SLC22A13: variants seen among roughly 807,000 people sequenced by gnomAD.
SLC22A13 encodes the protein solute carrier family 22 member 13.
SLC22A13 carries 42 observed loss-of-function variants against 49.1 expected under a neutral mutation model. That is an observed-to-expected ratio of 0.85 (90% CI 0.67 to 1.11). The LOEUF (loss-of-function observed/expected upper bound fraction) is 1.11, where lower values mean the gene tolerates loss of function less well. Ranked by LOEUF, SLC22A13 falls within the 50% of genes least tolerant of loss-of-function variation. The pLI, the probability that SLC22A13 is intolerant of heterozygous loss-of-function variation, is 0.00. For missense variants in SLC22A13, 694 were observed against 712.8 expected, an observed-to-expected ratio of 0.97 and a Z score of 0.30; for synonymous variants, 282 against 293.1, an observed-to-expected ratio of 0.96 and a Z score of 0.39.
chr3:38,266,010 TGCAGTG>T lies in SLC22A13; in HGVS notation c.153_158del (p.Val52_Ala53del). The T allele has an allele frequency of 2.5e-6, 4 of 1,614,204 alleles. No individual in the cohort carries two copies. The highest frequency in any genetic ancestry group is 3.4e-6 in the Non-Finnish European group (4 of 1,180,024). ...TGGTCCTAGATGAGCCCCACCACTG[TGCAGTG>T]GCTTGGGTGAAGAACCACACTTTCA... is the stretch of plus-strand genomic sequence containing the variant. On this transcript the variant is annotated inframe_deletion, in exon 1 of 10. Coordinates refer to ENST00000311856, the MANE Select transcript of SLC22A13 (RefSeq NM_004256.4).
intron 7 of SLC22A13, 63 bp from the exon 8 acceptor site, chr3:38,276,224 G>A: frequency 6.7e-7 from 1 of 1,501,084 alleles, no homozygotes; most frequent in Non-Finnish European, 9.2e-7. Flanking sequence ...GAAGGGGTGG[G>A]GAGTTCCAGT....
Position 38,275,487 on chromosome 3 carries a change from C to T in SLC22A13, c.924C>T (p.Asn308=), listed in dbSNP as rs1271904462. The T allele has an allele frequency of 6.2e-7, 1 of 1,614,216 alleles. No homozygotes were observed. The highest frequency in any genetic ancestry group is 1.1e-5 in the South Asian group (1 of 91,084). ...GGAAACTCTCCCCGGAGCTCATGAA[C>T]CAGGTACTTCCAGCAGGCCCAGGCC... The part of the protein sequence containing the change: ...NRRKLSPELM[N]QLVPEKTGPS... Residue 308 remains asparagine (N), a synonymous_variant, in exon 5 of 10, where the codon AAC becomes AAT. Transcript: ENST00000311856.
chr3:38,276,350 C>T lies in SLC22A13; in HGVS notation c.1301C>T (p.Thr434Ile), dbSNP rs1205966513. The change falls in exon 8 of 10, where the codon ACC (threonine) becomes ATC (isoleucine). Residue 434 changes from threonine to isoleucine, a missense_variant. By Grantham distance (89) the Thr-to-Ile change is moderately conservative. Transcript: ENST00000311856. ...AAGATGGCCACAGCTGCTGCCTTTA[C>T]CATCTCCTATGTGTACTCTGCCGAG... ...VGKMATAAAF[T>I]ISYVYSAELF... is the part of the protein sequence containing the mutation. The T allele has an allele frequency of 5.6e-6, 9 of 1,613,750 alleles. No homozygotes were observed. Among genetic ancestry groups the T allele is most frequent in the Non-Finnish European group, 7.6e-6 (9 of 1,179,904 alleles).
chr3:38,272,020 CCACCTGCAA>C (rs1703528247), intron 1 of SLC22A13, among the ~76,000 whole-genome samples: 1 of 152,192 alleles, frequency 6.6e-6, no homozygotes, highest in Admixed American at 6.5e-5. Context: ...TTCATCTCTA[CCACCTGCAA>C]CATGACAACA....
At chr3:38,266,269 C>T (rs748636548) in intron 1 of SLC22A13, 31 bp downstream of exon 1, 263 of 1,599,744 alleles carry the variant, frequency 1.6e-4, no homozygotes, top group Non-Finnish European at 2.0e-4. Flanking sequence ...GTCTCTCCAC[C>T]GGTTGTGGGT....
Position 38,275,284 on chromosome 3 carries a change from G to A in SLC22A13, c.807-86G>A, listed in dbSNP as rs1260941398. ...TGGGAGAGGGAGCCTGTCACAGCTG[G>A]GTGTGGGGTTCAGTTTGCACTGGAA... On this transcript the variant is annotated intron_variant, in intron 4 of 9. Transcript: ENST00000311856. 2.5e-6 allele frequency: 4 copies of A among 1,596,484 alleles called. No individual in the cohort carries two copies. In the African/African-American group the frequency reaches 4.0e-5, roughly 16 times the overall value.
intron 2 of SLC22A13, 38 bp downstream of exon 2, chr3:38,274,413 C>A: frequency 6.4e-7 from 1 of 1,562,278 alleles, no homozygotes; most frequent in Non-Finnish European, 8.8e-7. Context: ...GCCTAGCAAG[C>A]TCGTCAGCTC....
At position 38,265,928 on chromosome 3, in the gene SLC22A13, T is replaced by A. The variant is rs1446604880; in HGVS notation, c.68T>A (p.Ile23Asn). Residue 23 changes from isoleucine to asparagine, a missense_variant, in exon 1 of 10, where the codon ATC becomes AAC. Physicochemically the swap from Ile to Asn is moderately radical, Grantham distance 149. Coordinates refer to ENST00000311856, the MANE Select transcript of SLC22A13 (RefSeq NM_004256.4). ...GGTCGCTTCCAGATACAGCTATTGA[T>A]CCTGCTGTGTGTTCTCAACTTCCTG... ...DFGRFQIQLLILLCVLNFLSP... is the reference protein window; with the variant it reads ...DFGRFQIQLLNLLCVLNFLSP... 1 of 1,613,986 alleles carries A rather than the reference T, an allele frequency of 6.2e-7. No homozygotes were observed. Among genetic ancestry groups the A allele is most frequent in the East Asian group, 2.2e-5 (1 of 44,884 alleles).
In SLC22A13 at chr3:38,276,971, T is replaced by C. The variant is rs979886947; in HGVS notation, c.1406T>C (p.Leu469Pro). ...CGGATCGGGGGCATCCTCACACCACTTGTGATCCTGCTGGGAGAGTACCAC... is the reference window on the plus strand; with the variant it reads ...CGGATCGGGGGCATCCTCACACCACCTGTGATCCTGCTGGGAGAGTACCAC... ...FSRIGGILTP[L>P]VILLGEYHAA... The change falls in exon 9 of 10, where the codon CTT becomes CCT. Residue 469 changes from leucine (L) to proline (P), a missense_variant. By Grantham distance (98) the Leu-to-Pro change is moderately conservative. Transcript: ENST00000311856. 65 of 1,613,646 alleles carry C rather than the reference T, an allele frequency of 4.0e-5. No individual in the cohort carries two copies. Among genetic ancestry groups the C allele is most frequent in the Non-Finnish European group, 5.4e-5 (64 of 1,179,916 alleles).
rs774407743 is a variant in SLC22A13, at chr3:38,277,041, C to T, written c.1476C>T (p.Ala492=). 1.3e-5 allele frequency: 20 copies of T among 1,598,966 alleles called. No homozygotes were observed. The highest frequency in any genetic ancestry group is 5.6e-5 in the South Asian group (5 of 88,556). ...MLIYGSLPIV[A]GLLCTLLPET... is the part of the protein sequence containing the mutation. ...TCTACGGCAGCCTCCCCATCGTGGC[C>T]GGCCTGCTGTGCACCCTGCTGCCAG... Residue 492 remains alanine (A), a synonymous_variant, in exon 9 of 10, where the codon GCC becomes GCT. Coordinates refer to ENST00000311856, the MANE Select transcript of SLC22A13 (RefSeq NM_004256.4).
In SLC22A13 at chr3:38,277,515, C is replaced by A; in HGVS notation, c.*50C>A. The A allele has an allele frequency of 2.1e-6, 3 of 1,401,026 alleles. No individual in the cohort carries two copies. Among genetic ancestry groups the A allele is most frequent in the South Asian group, 2.4e-5 (2 of 84,210 alleles). The allele number at this position is 1,401,026 out of a possible 1,614,324, so 86.8% of individuals were successfully genotyped here. A position where few individuals can be genotyped will look rare whatever the true frequency, so the allele number is the denominator to read the frequency against. On this transcript the variant is annotated 3_prime_UTR_variant, in exon 10 of 10. Coordinates refer to ENST00000311856, the MANE Select transcript of SLC22A13 (RefSeq NM_004256.4). ...TCAGCAGCAGGGAGCTGCCTAAACA[C>A]CTCCTTGGATATGGCCAGGACCCAC...
intron 1 of SLC22A13, 74 bp downstream of exon 1, chr3:38,266,312 A>C (rs4679027): frequency 0.049 from 75,374 of 1,537,450 alleles, 1,988 homozygotes; most frequent in Middle Eastern, 0.091. Context: ...CTTCGCCCTC[A>C]GTCACTGGCT....
In SLC22A13 at chr3:38,277,078, C is replaced by T; in HGVS notation, c.1513C>T (p.Gln505Ter). ...LCTLLPETHG[Q>*]GLKDTLQDLE... Reference sequence around the variant, plus strand: ...CACCCTGCTGCCAGAGACGCATGGCCAGGGCCTGAAAGACACCCTCCAGGA... The same window carrying T: ...CACCCTGCTGCCAGAGACGCATGGCTAGGGCCTGAAAGACACCCTCCAGGA... The change falls in exon 9 of 10, where the codon CAG (glutamine) becomes TAG (stop). Residue 505 changes from glutamine to a stop codon, truncating the protein, a stop_gained. Transcript: ENST00000311856. LOFTEE classifies it low-confidence loss of function (END_TRUNC). The T allele has an allele frequency of 6.3e-7, 1 of 1,583,294 alleles. No individual in the cohort carries two copies. Among genetic ancestry groups the T allele is most frequent in the Middle Eastern group, 1.7e-4 (1 of 5,918 alleles).
intron 1 of SLC22A13, among the ~76,000 whole-genome samples, chr3:38,271,298 C>A (rs1703517061): frequency 6.6e-6 from 1 of 152,050 alleles, no homozygotes; most frequent in Admixed American, 6.5e-5. Flanking sequence ...GGTGCAGTGG[C>A]TCGTGCCTGT....
chr3:38,276,248 G>A lies in SLC22A13; in HGVS notation c.1238-39G>A, dbSNP rs199524963. 4.2e-4 allele frequency: 652 copies of A among 1,559,528 alleles called. 3 individuals carry two copies. In the African/African-American group the frequency reaches 7.5e-3, roughly 18 times the overall value. ...GGGAGTTCCAGTGGATGGGACCGGCGTCAGGGCCCAGGTGATGGGGCTGTC... is the reference window on the plus strand; with the variant it reads ...GGGAGTTCCAGTGGATGGGACCGGCATCAGGGCCCAGGTGATGGGGCTGTC... On this transcript the variant is annotated intron_variant, in intron 7 of 9. Coordinates refer to ENST00000311856, the MANE Select transcript of SLC22A13 (RefSeq NM_004256.4).
At position 38,275,563 on chromosome 3, in the gene SLC22A13, G is replaced by T; in HGVS notation, c.928-15G>T. 2 of 1,614,058 alleles carry T rather than the reference G, an allele frequency of 1.2e-6. No individual in the cohort carries two copies. Among genetic ancestry groups the T allele is most frequent in the Non-Finnish European group, 1.7e-6 (2 of 1,179,904 alleles). On this transcript the variant is annotated splice_polypyrimidine_tract_variant and intron_variant, in intron 5 of 9. Coordinates refer to ENST00000311856, the MANE Select transcript of SLC22A13 (RefSeq NM_004256.4). Reference sequence around the variant, plus strand: ...ATCTTCCTGCCTGGCTTCTCACTCTGCTTCTTCCTCCCAGCTGGTCCCAGA... The same window carrying T: ...ATCTTCCTGCCTGGCTTCTCACTCTTCTTCTTCCTCCCAGCTGGTCCCAGA...
rs1392612577 is a variant in SLC22A13 at position 38,274,638 on chromosome 3, C to T, written c.517C>T (p.Leu173Phe). 4.3e-6 allele frequency: 7 copies of T among 1,614,010 alleles called. No homozygotes were observed. In the African/African-American group the frequency reaches 9.3e-5, roughly 22 times the overall value. Residue 173 changes from leucine to phenylalanine, a missense_variant, in exon 3 of 10, where the codon CTC (leucine) becomes TTC (phenylalanine). Transcript: ENST00000311856. ...CAAGGCCACAATCCTGGCGCAGCTG[C>T]TCCTCTTCACCCTCATCGGCCTGGC... ...GRKATILAQLLLFTLIGLATA... is the reference protein window; with the variant it reads ...GRKATILAQLFLFTLIGLATA...
intron 8 of SLC22A13, 97 bp from the exon 9 acceptor site, chr3:38,276,815 C>A: frequency 9.1e-7 from 1 of 1,100,646 alleles, no homozygotes; most frequent in Non-Finnish European, 1.3e-6. Flanking sequence ...CCCTGCAGAC[C>A]TTTGAGGTCT....
intron 1 of SLC22A13, among the ~76,000 whole-genome samples, chr3:38,268,551 T>C (rs1023737697): frequency 6.6e-6 from 1 of 152,256 alleles, no homozygotes; most frequent in Admixed American, 6.5e-5. Context: ...TTTCAGATTA[T>C]GAACTCACTC....
Sources: gnomAD v4.1 joint callset for allele counts (sites outside exome capture counted in the v4.1 genomes callset) on GRCh38, gnomAD v4.1.1 for gene constraint, MANE v1.5 for transcripts, NCBI Gene and HGNC (gene_info 2026-07-23, HGNC 2026-07-21) for gene names.